The following WNK1 variants were observed in gnomAD, a reference collection of about 807,000 sequenced individuals.
WNK1 encodes serine/threonine-protein kinase WNK1.
WNK1 carries 38 observed loss-of-function variants against 222.8 expected under a neutral mutation model. The ratio of observed to expected loss-of-function variants is 0.17; its 90% CI spans 0.13 to 0.22. The LOEUF is 0.22. Ranked by LOEUF, WNK1 falls within the 10% of genes least tolerant of loss-of-function variation. The probability of loss-of-function intolerance (pLI) is 1.00; values close to 1 mark genes in which losing one functional copy is unlikely to be tolerated. For missense variants in WNK1, 2,348 were observed against 2,918.4 expected (o/e 0.80, Z 4.50); for synonymous variants, 1,090 against 1,092.9 (o/e 1.00, Z 0.05).
intron 2 of WNK1, among the ~76,000 whole-genome samples, chr12:821,619 C>T (rs749224697): frequency 1.3e-5 from 2 of 152,080 alleles, no homozygotes; most frequent in Admixed American, 6.6e-5. Flanking sequence ...ATGTTTTATC[C>T]GTTATTGAAA....
rs147005122 is a variant in WNK1 at position 888,434 on chromosome 12, G to A, written c.5365-706G>A. On this transcript the variant is annotated intron_variant, in intron 20 of 27. Coordinates refer to ENST00000315939, the MANE Select transcript of WNK1 (RefSeq NM_018979.4). ...GGAGTATAAAGTGTGACAAAAAATA[G>A]CAAGTGAGACATGTGGAGGGGTAAG... Among the ~76,000 whole-genome samples, 10 of 152,304 alleles carry A rather than the reference G, an allele frequency of 6.6e-5. No homozygotes were observed. In the East Asian group the frequency reaches 1.9e-3, roughly 29 times the overall value.
At chr12:771,489 TTTTG>T (rs1942492049) in intron 1 of WNK1, among the ~76,000 whole-genome samples, 1 of 151,982 alleles carries the variant, frequency 6.6e-6, no homozygotes, top group Non-Finnish European at 1.5e-5. Context: ...AGTTAAATTT[TTTTG>T]TTTGTTTTTG....
intron 10 of WNK1, 58 bp from the exon 11 acceptor site, chr12:879,515 T>TTTTTTTTTTTTTTTTTTTTTTTTTTTC: frequency 2.1e-5 from 3 of 144,642 alleles, no homozygotes; most frequent in Admixed American, 1.6e-4. Flanking sequence ...CAGCCTTGCT[T>TTTTTTTTTTTTTTTTTTTTTTTTTTTC]TTTTTTTTTT....
At chr12:778,176 G>C (rs955788973) in intron 1 of WNK1, among the ~76,000 whole-genome samples, 4 of 152,128 alleles carry the variant, frequency 2.6e-5, no homozygotes, top group African/African-American at 9.7e-5. Context: ...TGGGAAACCA[G>C]AAGAAGGCTA....
rs895639676 is a variant in WNK1 at position 911,115 on chromosome 12, A to G, written c.*2323A>G. 5.1e-5 allele frequency: 20 copies of G among 395,104 alleles called. No homozygotes were observed. Among genetic ancestry groups the G allele is most frequent in the South Asian group, 1.4e-4 (1 of 6,982 alleles). 24.5% of individuals were successfully genotyped at this position (395,104 alleles called of 1,614,324 possible). ...ACTGGTGTTATTTACTGTTGATTTC[A>G]TCCTCCTGTGTATGAAATAACAAGC... On this transcript the variant is annotated 3_prime_UTR_variant, in exon 28 of 28. Coordinates refer to ENST00000315939, the MANE Select transcript of WNK1 (RefSeq NM_018979.4).
intron 26 of WNK1, among the ~76,000 whole-genome samples, chr12:904,249 G>A (rs1955514223): frequency 6.6e-6 from 1 of 152,178 alleles, no homozygotes; most frequent in Non-Finnish European, 1.5e-5. Flanking sequence ...ACGTAACACA[G>A]CCCATCAGAT....
intron 4 of WNK1, among the ~76,000 whole-genome samples, chr12:845,822 TCCTAAGTGTCACA>T (rs1949986586): frequency 2.0e-5 from 3 of 152,212 alleles, no homozygotes; most frequent in Admixed American, 2.0e-4. Context: ...TAAATGTGCT[TCCTAAGTGTCACA>T]TAAAATCAAG....
intron 1 of WNK1, among the ~76,000 whole-genome samples, chr12:795,296 G>GTTTTTTTTTTTTTTT (rs35447912): frequency 1.5e-5 from 2 of 133,022 alleles, no homozygotes; most frequent in African/African-American, 2.8e-5. Flanking sequence ...ATTTTCCGTT[G>GTTTTTTTTTTTTTTT]TTTTTTTTTT....
chr12:889,946 T>A (rs887513000), intron 21 of WNK1, among the ~76,000 whole-genome samples: 3 of 145,616 alleles, frequency 2.1e-5, no homozygotes, highest in Non-Finnish European at 4.5e-5. Context: ...TCTTTTAAAA[T>A]GTACCTTTTT....
In WNK1 at chr12:897,553, A is replaced by T. The variant is rs756171922; in HGVS notation, c.6320A>T (p.Lys2107Met). 1.2e-6 allele frequency: 2 copies of T among 1,613,622 alleles called. No individual in the cohort carries two copies. Among genetic ancestry groups the T allele is most frequent in the Non-Finnish European group, 1.7e-6 (2 of 1,179,468 alleles). Residue 2107 changes from lysine (K) to methionine (M), a missense_variant, in exon 25 of 28, where the codon AAG (lysine) becomes ATG (methionine). Around this residue, in one of 13 missense-constraint regions of WNK1, gnomAD observed 1,144 missense variants for 1,273.6 expected, o/e 0.90. Coordinates refer to ENST00000315939, the MANE Select transcript of WNK1 (RefSeq NM_018979.4). ...GAATCTTTGTATACCAAACTGGGCA[A>T]GGTGCCCCCTGCTGTTATTATTCCC... is the stretch of plus-strand genomic sequence containing the variant. ...EIESLYTKLG[K>M]VPPAVIIPPA...
At chr12:863,238 C>A (rs1258249081) in intron 8 of WNK1, among the ~76,000 whole-genome samples, 3 of 152,044 alleles carry the variant, frequency 2.0e-5, no homozygotes, top group African/African-American at 7.2e-5. Flanking sequence ...TAAGAAAATA[C>A]TTCTGCTTGT....
At chr12:871,498 AAAG>A in intron 9 of WNK1, 150 bp downstream of exon 9, 1 of 758,108 alleles carries the variant, frequency 1.3e-6, no homozygotes, top group Non-Finnish European at 2.2e-6. Flanking sequence ...CAAAGAAAAA[AAAG>A]AGACTTTTCT....
In WNK1 at chr12:885,001, C is replaced by T. The variant is rs1046908984; in HGVS notation, c.4197C>T (p.Pro1399=). 2 of 1,614,150 alleles carry T rather than the reference C, an allele frequency of 1.2e-6. No individual in the cohort carries two copies. ...STGVVTSGGL[P]IPPVSESPVL... is the part of the protein sequence containing the mutation. ...GTGTGGTAACTTCAGGTGGTCTCCC[C>T]ATACCACCTGTGTCTGAATCACCAG... The change falls in exon 19 of 28, where the codon CCC becomes CCT. Residue 1399 remains proline (P), a synonymous_variant. Coordinates refer to ENST00000315939, the MANE Select transcript of WNK1 (RefSeq NM_018979.4).
rs1490023753 is a variant in WNK1 at position 884,790 on chromosome 12, C to T, written c.3986C>T (p.Thr1329Ile). ...ACAGCACCTCCAAACTTTAGTCATACAGGACCAACATTTCCAGTAGTACCT... is the reference window on the plus strand; with the variant it reads ...ACAGCACCTCCAAACTTTAGTCATATAGGACCAACATTTCCAGTAGTACCT... ...PNTAPPNFSH[T>I]GPTFPVVPPF... The change falls in exon 19 of 28, where the codon ACA becomes ATA. Residue 1329 changes from threonine (T) to isoleucine (I), a missense_variant. Thr to Ile is a moderately conservative substitution (Grantham distance 89). This residue lies in a region of WNK1 where 1,144 missense variants were observed against 1,273.6 expected (regional missense o/e 0.90). Transcript: ENST00000315939. The surrounding 1 kb of genome is among the most constrained non-coding windows in gnomAD (Gnocchi z 5.6). 6.2e-7 allele frequency: 1 copy of T among 1,614,054 alleles called. No individual in the cohort carries two copies. Among genetic ancestry groups the T allele is most frequent in the East Asian group, 2.2e-5 (1 of 44,898 alleles).
intron 21 of WNK1, among the ~76,000 whole-genome samples, chr12:889,575 T>C (rs1954003852): frequency 1.3e-5 from 2 of 152,172 alleles, no homozygotes; most frequent in Non-Finnish European, 2.9e-5. Context: ...TCCCAGCACT[T>C]TGGGAGGCCG....
At chr12:901,854 A>T (rs928772818) in intron 26 of WNK1, among the ~76,000 whole-genome samples, 1 of 152,162 alleles carries the variant, frequency 6.6e-6, no homozygotes, top group African/African-American at 2.4e-5. Flanking sequence ...TACAAATTTC[A>T]ATGTAACTTT....
chr12:828,883 G>A (rs1948579718), intron 3 of WNK1, among the ~76,000 whole-genome samples: 1 of 152,176 alleles, frequency 6.6e-6, no homozygotes, highest in Non-Finnish European at 1.5e-5. Context: ...TGGATACTGA[G>A]TATTACTAGG....
rs967539858 is a variant in WNK1 at position 827,538 on chromosome 12, G to A, written c.1153+276G>A. 2 of 523,070 alleles carry A rather than the reference G, an allele frequency of 3.8e-6. No homozygotes were observed. The highest frequency in any genetic ancestry group is 6.8e-6 in the Non-Finnish European group (2 of 293,934). 32.4% of individuals were successfully genotyped at this position (523,070 alleles called of 1,614,324 possible). A position where few individuals can be genotyped will look rare whatever the true frequency, so the allele number is the denominator to read the frequency against. On this transcript the variant is annotated intron_variant, in intron 3 of 27. Coordinates refer to ENST00000315939, the MANE Select transcript of WNK1 (RefSeq NM_018979.4). The surrounding 1 kb of genome is among the most constrained non-coding windows in gnomAD (Gnocchi z 4.6). ...AGCCTTTTTTGTTGTTGTTGTTGTTGTTGTTGTTGAGATGGAGTCTCTCTC... is the reference window on the plus strand; with the variant it reads ...AGCCTTTTTTGTTGTTGTTGTTGTTATTGTTGTTGAGATGGAGTCTCTCTC...
chr12:897,705 G>T (rs1231589886), intron 25 of WNK1, 24 bp downstream of exon 25: 1 of 1,609,476 alleles, frequency 6.2e-7, no homozygotes, highest in African/African-American at 1.3e-5. Flanking sequence ...GACTAGGTCA[G>T]CCACAGCTGT....
Sources: gnomAD v4.1 joint callset for allele counts (sites outside exome capture counted in the v4.1 genomes callset) on GRCh38, gnomAD v4.1.1 for gene constraint, gnomAD v4.1.1 regional missense constraint, Gnocchi (gnomAD v3.1) non-coding constraint, MANE v1.5 for transcripts, NCBI Gene and HGNC (gene_info 2026-07-23, HGNC 2026-07-21) for gene names.